ARHGAP18: variants seen among roughly 807,000 people sequenced by gnomAD.
The protein encoded by ARHGAP18 is rho GTPase-activating protein 18.
Under a neutral mutation model 86.2 loss-of-function variants are expected in ARHGAP18, and 67 were observed. The ratio of observed to expected loss-of-function variants is 0.78; its 90% CI spans 0.64 to 0.95. The LOEUF (loss-of-function observed/expected upper bound fraction) is 0.95. Among genes scored for constraint, ARHGAP18 ranks in the 40% least tolerant of loss-of-function variants. The pLI is 0.00. For synonymous variants in ARHGAP18, 283 were observed against 280.4 expected (o/e 1.01, Z -0.09); for missense variants, 691 against 780.4 (o/e 0.89, Z 1.37).
At chr6:129,647,132 T>G (rs1391821837) in intron 1 of ARHGAP18, among the ~76,000 whole-genome samples, 1 of 152,172 alleles carries the variant, frequency 6.6e-6, no homozygotes. Context: ...AGAATTAAAA[T>G]GTCTTTAAAA....
chr6:129,657,360 G>A (rs1014768681), intron 1 of ARHGAP18, among the ~76,000 whole-genome samples: 1 of 150,236 alleles, frequency 6.7e-6, no homozygotes, highest in African/African-American at 2.4e-5. Flanking sequence ...TCAAAGAGAG[G>A]TAATTTGCAT....
chr6:129,632,501 C>A (rs1773239028), intron 4 of ARHGAP18, among the ~76,000 whole-genome samples: 2 of 152,104 alleles, frequency 1.3e-5, no homozygotes, highest in East Asian at 1.9e-4. Flanking sequence ...TCACCAACTG[C>A]CAGTCACTCT....
chr6:129,579,068 T>G (rs943315628), intron 14 of ARHGAP18, among the ~76,000 whole-genome samples: 2 of 152,158 alleles, frequency 1.3e-5, no homozygotes, highest in African/African-American at 4.8e-5. Context: ...AATTTGGTAG[T>G]CTTTCTCCAA....
chr6:129,670,014 A>T (rs1774114230), intron 1 of ARHGAP18, among the ~76,000 whole-genome samples: 1 of 152,234 alleles, frequency 6.6e-6, no homozygotes, highest in South Asian at 2.1e-4. Context: ...TTGCAAGTAG[A>T]AATTACATCA....
intron 1 of ARHGAP18, among the ~76,000 whole-genome samples, chr6:129,669,782 CA>C (rs58032097): frequency 0.12 from 16,124 of 138,758 alleles, 1,110 homozygotes; most frequent in African/African-American, 0.21. Flanking sequence ...TGAAACGTCT[CA>C]AAAAAAAAAA....
intron 12 of ARHGAP18, among the ~76,000 whole-genome samples, chr6:129,586,692 A>G (rs750094568): frequency 7.9e-5 from 12 of 152,176 alleles, no homozygotes; most frequent in Non-Finnish European, 1.6e-4. Flanking sequence ...GAGTTGCAAA[A>G]CCAAAATGAT....
intron 1 of ARHGAP18, among the ~76,000 whole-genome samples, chr6:129,684,681 G>A (rs1419341522): frequency 2.0e-5 from 3 of 152,228 alleles, no homozygotes; most frequent in African/African-American, 4.8e-5. Flanking sequence ...ATCCGTAGAA[G>A]TCCATGGGAA....
chr6:129,620,746 A>C (rs756857473), intron 5 of ARHGAP18, among the ~76,000 whole-genome samples: 2 of 152,210 alleles, frequency 1.3e-5, no homozygotes, highest in Non-Finnish European at 2.9e-5. Context: ...AGGGCAAAAG[A>C]CATGTCCTAA....
At chr6:129,684,260 T>C (rs1335612020) in intron 1 of ARHGAP18, among the ~76,000 whole-genome samples, 2 of 152,204 alleles carry the variant, frequency 1.3e-5, no homozygotes, top group African/African-American at 2.4e-5. Flanking sequence ...CCAGCAAAAA[T>C]GCATGTGCAA....
intron 1 of ARHGAP18, among the ~76,000 whole-genome samples, chr6:129,670,481 G>A (rs1774123067): frequency 6.6e-6 from 1 of 152,114 alleles, no homozygotes; most frequent in African/African-American, 2.4e-5. Flanking sequence ...ACATATCACA[G>A]GTAACGTTTT....
intron 1 of ARHGAP18, among the ~76,000 whole-genome samples, chr6:129,643,201 C>G (rs1773505664): frequency 1.3e-5 from 2 of 152,076 alleles, no homozygotes; most frequent in African/African-American, 4.8e-5. Context: ...GATGCCTTTC[C>G]TTTATATACG....
chr6:129,618,666 G>C, intron 6 of ARHGAP18, 21 bp downstream of exon 6: 1 of 1,580,234 alleles, frequency 6.3e-7, no homozygotes, highest in Non-Finnish European at 8.6e-7. Context: ...TAAATCCAAG[G>C]GTTTATCATT....
chr6:129,590,802 T>A (rs1441241790), intron 12 of ARHGAP18, among the ~76,000 whole-genome samples: 2 of 151,614 alleles, frequency 1.3e-5, no homozygotes, highest in Non-Finnish European at 2.9e-5. Flanking sequence ...GGAGAGAGAG[T>A]GTGTGTGTGG....
At chr6:129,601,752 G>T (rs1317672337) in intron 10 of ARHGAP18, among the ~76,000 whole-genome samples, 1 of 151,498 alleles carries the variant, frequency 6.6e-6, no homozygotes, top group Non-Finnish European at 1.5e-5. Context: ...TCAGTCTCCA[G>T]AGTAGCTGGG....
chr6:129,694,409 T>C (rs776682531), intron 1 of ARHGAP18, among the ~76,000 whole-genome samples: 21 of 152,190 alleles, frequency 1.4e-4, no homozygotes, highest in Non-Finnish European at 2.8e-4. Flanking sequence ...TGGGTTGCTA[T>C]GAGGATTAAA....
At chr6:129,667,503 G>GTGTGTGTGTGTGTA (rs548429421) in intron 1 of ARHGAP18, among the ~76,000 whole-genome samples, 1,977 of 145,344 alleles carry the variant, frequency 0.014, 22 homozygotes, top group South Asian at 0.024. Flanking sequence ...GTGTGTGTGT[G>GTGTGTGTGTGTGTA]TGTTGTGTAT....
At chr6:129,632,530 T>C (rs1376133308) in intron 4 of ARHGAP18, among the ~76,000 whole-genome samples, 1 of 152,042 alleles carries the variant, frequency 6.6e-6, no homozygotes, top group Non-Finnish European at 1.5e-5. Flanking sequence ...GCCCAAAACA[T>C]ATTGACATTG....
rs536701101 is a variant in ARHGAP18 at position 129,578,383 on chromosome 6, AAGAG to A, written c.*126_*129del. 6.4e-4 allele frequency: 337 copies of A among 522,650 alleles called. No homozygotes were observed. Among genetic ancestry groups the A allele is most frequent in the Non-Finnish European group, 1.0e-3 (319 of 310,452 alleles). 32.4% of individuals were successfully genotyped at this position (522,650 alleles called of 1,614,324 possible). The stretch of plus-strand genomic sequence containing the variant: ...ACAAATCTATGACTTTTTAAGGCTT[AAGAG>A]AGTCATTTTTAAATACTTGGGTACA... On this transcript the variant is annotated 3_prime_UTR_variant, in exon 15 of 15. Transcript: ENST00000368149.
chr6:129,589,274 C>T (rs577619418), intron 12 of ARHGAP18, among the ~76,000 whole-genome samples: 1 of 152,280 alleles, frequency 6.6e-6, no homozygotes, highest in Non-Finnish European at 1.5e-5. Flanking sequence ...CCCTTCAATG[C>T]TTTGCCGCTT....
Sources: allele counts gnomAD v4.1 joint callset (sites outside exome capture counted in the v4.1 genomes callset), GRCh38; gene constraint gnomAD v4.1.1; transcripts MANE v1.5; gene names NCBI Gene and HGNC (gene_info 2026-07-23, HGNC 2026-07-21).